SPEN: variants seen among roughly 807,000 people sequenced by gnomAD.
The protein encoded by SPEN is msx2-interacting protein.
A neutral mutation model predicts 269.9 loss-of-function variants in SPEN; 18 were observed. The ratio of observed to expected loss-of-function variants is 0.07; its 90% CI spans 0.05 to 0.10. The LOEUF (loss-of-function observed/expected upper bound fraction) is 0.10. Ranked by LOEUF, SPEN falls within the 10% of genes least tolerant of loss-of-function variation. The pLI, the probability that SPEN is intolerant of heterozygous loss-of-function variation, is 1.00. For missense variants in SPEN, 3,822 were observed against 4,631.2 expected (o/e 0.83, Z 5.07); for synonymous variants, 1,726 against 1,765.7 (o/e 0.98, Z 0.56).
chr1:15,848,168 C>A lies in SPEN; in HGVS notation c.83+18C>A. On this transcript the variant is annotated intron_variant, in intron 1 of 14. Coordinates refer to ENST00000375759, the MANE Select transcript of SPEN (RefSeq NM_015001.3). This position sits in a 1 kb window ranked among gnomAD's most constrained non-coding sequence, Gnocchi z 5.1. The stretch of plus-strand genomic sequence containing the variant: ...TTCAAACGGTGAGTGACACGAGGCC[C>A]GCGGCCGCGCTCGCTCCTCGGGCGC... 2 of 1,439,104 alleles carry A rather than the reference C, an allele frequency of 1.4e-6. No homozygotes were observed. The highest frequency in any genetic ancestry group is 3.0e-5 in the East Asian group (1 of 33,184). The allele number at this position is 1,439,104 out of a possible 1,614,324, so 89.1% of individuals were successfully genotyped here. A position where few individuals can be genotyped will look rare whatever the true frequency, so the allele number is the denominator to read the frequency against.
chr1:15,853,000 G>GTAT (rs1354286285), intron 1 of SPEN, among the ~76,000 whole-genome samples: 1 of 151,974 alleles, frequency 6.6e-6, no homozygotes. Context: ...AGAACCACAG[G>GTAT]TATGTGCCAC....
rs776842790 is a variant in SPEN, at chr1:15,876,525, G to C, written c.728G>C (p.Arg243Pro). The C allele has an allele frequency of 1.2e-6, 2 of 1,613,886 alleles. No individual in the cohort carries two copies. Among genetic ancestry groups the C allele is most frequent in the African/African-American group, 2.7e-5 (2 of 74,870 alleles). The change falls in exon 3 of 15, where the codon CGG (arginine) becomes CCG (proline). Residue 243 changes from arginine to proline, a missense_variant. This residue lies in a region of SPEN where 327 missense variants were observed against 350.8 expected (regional missense o/e 0.93). Transcript: ENST00000375759. ...CGGAATTACCAGCACAGCAGGAGTC[G>C]GTCACCACATTCATCCCAGTCTAGA... Reference protein sequence around the residue: ...PERNYQHSRSRSPHSSQSRNQ... With the variant: ...PERNYQHSRSPSPHSSQSRNQ...
rs767038690 is a variant in SPEN, at chr1:15,928,821, A to G, written c.2581A>G (p.Lys861Glu). Residue 861 changes from lysine to glutamate, a missense_variant, in exon 11 of 15, where the codon AAA becomes GAA. Transcript: ENST00000375759. The surrounding 1 kb of genome is among the most constrained non-coding windows in gnomAD (Gnocchi z 5.7). ...GAGTTGTAATAAACTGAGCAGAGAG[A>G]AAGCTGACAAAGAGGGAATAGCGAA... ...PRSCNKLSRE[K>E]ADKEGIAKNR... 7 of 1,614,012 alleles carry G rather than the reference A, an allele frequency of 4.3e-6. No individual in the cohort carries two copies. Among genetic ancestry groups the G allele is most frequent in the Non-Finnish European group, 5.1e-6 (6 of 1,180,002 alleles).
At chr1:15,853,817 T>C (rs1372061164) in intron 1 of SPEN, among the ~76,000 whole-genome samples, 1 of 152,022 alleles carries the variant, frequency 6.6e-6, no homozygotes, top group Non-Finnish European at 1.5e-5. Flanking sequence ...TACAGGCACT[T>C]GCCACCACAC....
chr1:15,914,786 T>C (rs1313816843), intron 5 of SPEN, among the ~76,000 whole-genome samples: 2 of 151,978 alleles, frequency 1.3e-5, no homozygotes, highest in Non-Finnish European at 2.9e-5. Context: ...ATTGCTCCGC[T>C]GCACTCCAGC....
intron 1 of SPEN, among the ~76,000 whole-genome samples, chr1:15,851,555 C>T (rs185132546): frequency 1.2e-4 from 18 of 152,178 alleles, no homozygotes; most frequent in Admixed American, 1.0e-3. Flanking sequence ...TGAATAAAAC[C>T]CTTAAAATAT....
intron 3 of SPEN, among the ~76,000 whole-genome samples, chr1:15,877,523 C>T (rs1335458142): frequency 6.6e-6 from 1 of 152,114 alleles, no homozygotes; most frequent in Admixed American, 6.6e-5. Flanking sequence ...ACCTCATCCT[C>T]CCAAATTGCT....
rs780220811 is a variant in SPEN at position 15,929,132 on chromosome 1, C to T, written c.2892C>T (p.Leu964=). The T allele has an allele frequency of 6.2e-7, 1 of 1,614,210 alleles. No homozygotes were observed. Among genetic ancestry groups the T allele is most frequent in the Admixed American group, 1.7e-5 (1 of 60,030 alleles). ...KEGRLKARKH[L]KPEQPADGVS... The stretch of plus-strand genomic sequence containing the variant: ...GCAGGCTTAAAGCCAGGAAGCACCT[C>T]AAGCCTGAGCAGCCTGCAGATGGGG... Residue 964 remains leucine (L), a synonymous_variant, in exon 11 of 15, where the codon CTC becomes CTT. Transcript: ENST00000375759. This position sits in a 1 kb window ranked among gnomAD's most constrained non-coding sequence, Gnocchi z 5.8.
Position 15,932,380 on chromosome 1 carries a change from A to T in SPEN, c.6140A>T (p.Asp2047Val). Residue 2047 changes from aspartate (D) to valine (V), a missense_variant, in exon 11 of 15, where the codon GAT becomes GTT. Coordinates refer to ENST00000375759, the MANE Select transcript of SPEN (RefSeq NM_015001.3). This position sits in a 1 kb window ranked among gnomAD's most constrained non-coding sequence, Gnocchi z 4.2. The stretch of plus-strand genomic sequence containing the variant: ...AGTGAACAGAAACGTGACAGAAAAG[A>T]TGCTGGCACAGACAAAAACCCCCCT... ...AGSEQKRDRK[D>V]AGTDKNPPET... is the part of the protein sequence containing the mutation. 6.2e-7 allele frequency: 1 copy of T among 1,614,160 alleles called. No homozygotes were observed. The highest frequency in any genetic ancestry group is 8.5e-7 in the Non-Finnish European group (1 of 1,180,038).
At chr1:15,904,479 T>TAAAAAAAAAA (rs1557750239) in intron 3 of SPEN, among the ~76,000 whole-genome samples, 22 of 81,094 alleles carry the variant, frequency 2.7e-4, no homozygotes, top group East Asian at 9.1e-4. Context: ...AAAAAAAAAG[T>TAAAAAAAAAA]GAACTAAAAA....
chr1:15,880,078 T>G (rs2070672504), intron 3 of SPEN, among the ~76,000 whole-genome samples: 2 of 152,134 alleles, frequency 1.3e-5, no homozygotes. Flanking sequence ...CTCTTGTATG[T>G]TTTTTTCCCT....
chr1:15,859,063 A>G (rs1214601821), intron 1 of SPEN, among the ~76,000 whole-genome samples: 7 of 152,188 alleles, frequency 4.6e-5, no homozygotes, highest in African/African-American at 1.7e-4. Context: ...TTCTTCAGTC[A>G]AACATATCTC....
Position 15,928,026 on chromosome 1 carries a change from T to C in SPEN, c.1851-65T>C, listed in dbSNP as rs2071184165. 13 of 1,369,706 alleles carry C rather than the reference T, an allele frequency of 9.5e-6. No individual in the cohort carries two copies. The highest frequency in any genetic ancestry group is 1.3e-5 in the Non-Finnish European group (13 of 1,003,746). The allele number at this position is 1,369,706 out of a possible 1,614,324, so 84.8% of individuals were successfully genotyped here. On this transcript the variant is annotated intron_variant, in intron 10 of 14. Transcript: ENST00000375759. This position sits in a 1 kb window ranked among gnomAD's most constrained non-coding sequence, Gnocchi z 5.7. ...AGAAGCAGGAATTTCTGATTTCATA[T>C]GTATGATTTTATGCATAAGTGATGA...
intron 1 of SPEN, among the ~76,000 whole-genome samples, chr1:15,862,798 G>C (rs1390932418): frequency 2.0e-5 from 3 of 149,640 alleles, no homozygotes; most frequent in Non-Finnish European, 4.4e-5. Context: ...GTCTCGCTCT[G>C]TCGCCCAGGC....
At chr1:15,921,336 A>G (rs2071118308) in intron 9 of SPEN, among the ~76,000 whole-genome samples, 1 of 152,222 alleles carries the variant, frequency 6.6e-6, no homozygotes, top group Non-Finnish European at 1.5e-5. Context: ...TCTCCAAAAA[A>G]AAGAAATCAC....
chr1:15,898,133 G>A (rs1203881285), intron 3 of SPEN, among the ~76,000 whole-genome samples: 1 of 151,998 alleles, frequency 6.6e-6, no homozygotes, highest in African/African-American at 2.4e-5. Context: ...GAACAAAGGA[G>A]AGTGACCACT....
chr1:15,847,988 C>G lies in SPEN; in HGVS notation c.-80C>G. On this transcript the variant is annotated 5_prime_UTR_variant, in exon 1 of 15. Transcript: ENST00000375759. ...AGCCGCCGCCGCCGCCGCCCCGGCA[C>G]CCGCCTCCCGGCGCTGACGGTCTCG... The G allele has an allele frequency of 1.0e-6, 1 of 982,414 alleles. No individual in the cohort carries two copies. Among genetic ancestry groups the G allele is most frequent in the Non-Finnish European group, 1.3e-6 (1 of 751,202 alleles). 60.9% of individuals were successfully genotyped at this position (982,414 alleles called of 1,614,324 possible).
At chr1:15,866,414 T>C (rs757716520) in intron 1 of SPEN, among the ~76,000 whole-genome samples, 27 of 152,274 alleles carry the variant, frequency 1.8e-4, no homozygotes, top group African/African-American at 6.5e-4. Flanking sequence ...AGTGCAGTGG[T>C]GCGATCTTGG....
In SPEN at chr1:15,904,452, C is replaced by CAAAAA. The variant is rs1215369183; in HGVS notation, c.882-4848_882-4844dup. On this transcript the variant is annotated intron_variant, in intron 3 of 14. Coordinates refer to ENST00000375759, the MANE Select transcript of SPEN (RefSeq NM_015001.3). ...GGGCAATAAGAGCGAAACTCCATCT[C>CAAAAA]AAAAAAAAAAAAAAAAAAAAAAAAA... Among the ~76,000 whole-genome samples the CAAAAA allele has an allele frequency of 8.4e-3, 408 of 48,536 alleles. 37 individuals carry two copies. The highest frequency in any genetic ancestry group is 0.022 in the African/African-American group (370 of 16,748). The allele number at this position is 48,536 out of a possible 152,430, so 31.8% of individuals were successfully genotyped here.
Sources: gnomAD v4.1 joint callset for allele counts (sites outside exome capture counted in the v4.1 genomes callset) on GRCh38, gnomAD v4.1.1 for gene constraint, gnomAD v4.1.1 regional missense constraint, Gnocchi (gnomAD v3.1) non-coding constraint, MANE v1.5 for transcripts, NCBI Gene and HGNC (gene_info 2026-07-23, HGNC 2026-07-21) for gene names.